Variants in VPS26A observed in about 807,000 individuals in gnomAD.
VPS26A encodes the protein VPS26 retromer complex component A.
A neutral mutation model predicts 42.4 loss-of-function variants in VPS26A; 22 were observed. The observed-to-expected ratio is 0.52, with a 90% CI of 0.37 to 0.74. VPS26A has a LOEUF of 0.74. Ranked by LOEUF, VPS26A falls within the 30% of genes least tolerant of loss-of-function variation. The probability of loss-of-function intolerance (pLI) is 0.00; values close to 1 mark genes in which losing one functional copy is unlikely to be tolerated. For synonymous variants in VPS26A, 110 were observed against 123.5 expected (o/e 0.89, Z 0.73); for missense variants, 276 against 379.2 (o/e 0.73, Z 2.26).
At chr10:69,127,138 G>A (rs1422699610) in intron 1 of VPS26A, among the ~76,000 whole-genome samples, 1 of 137,898 alleles carries the variant, frequency 7.3e-6, no homozygotes, top group Non-Finnish European at 1.5e-5. Flanking sequence ...TGGAGACGGG[G>A]TTTCGCCATG....
At chr10:69,140,588 T>C (rs1257410837) in intron 2 of VPS26A, among the ~76,000 whole-genome samples, 1 of 152,140 alleles carries the variant, frequency 6.6e-6, no homozygotes, top group African/African-American at 2.4e-5. Flanking sequence ...TTTCACCGTG[T>C]TGCCCAGGCT....
intron 2 of VPS26A, among the ~76,000 whole-genome samples, chr10:69,138,247 C>T (rs1369476094): frequency 6.6e-6 from 1 of 152,102 alleles, no homozygotes; most frequent in African/African-American, 2.4e-5. Flanking sequence ...GGCTATACCA[C>T]ATTCTTGTTT....
At chr10:69,133,089 C>G in intron 2 of VPS26A, 42 bp downstream of exon 2, 1 of 1,576,292 alleles carries the variant, frequency 6.3e-7, no homozygotes, top group African/African-American at 1.4e-5. Context: ...TGTAAGATAT[C>G]AGAATTAGTT....
At chr10:69,141,648 TAATC>T (rs1841042810) in intron 2 of VPS26A, among the ~76,000 whole-genome samples, 1 of 152,210 alleles carries the variant, frequency 6.6e-6, no homozygotes, top group Non-Finnish European at 1.5e-5. Flanking sequence ...TATCCTAAAA[TAATC>T]AACTTTGTTC....
At position 69,162,869 on chromosome 10, in the gene VPS26A, A is replaced by G. The variant is rs1589363466; in HGVS notation, c.658+357A>G. Among the ~76,000 whole-genome samples the G allele has an allele frequency of 2.0e-5, 3 of 152,326 alleles. No individual in the cohort carries two copies. In the East Asian group the frequency reaches 5.8e-4, roughly 29 times the overall value. On this transcript the variant is annotated intron_variant, in intron 6 of 8. Coordinates refer to ENST00000263559, the MANE Select transcript of VPS26A (RefSeq NM_004896.5). ...GCAGGTCAAAACTCCTGTGCTGATC[A>G]GTAGTGGGATTGTGCCTGTGAATAG...
intron 1 of VPS26A, among the ~76,000 whole-genome samples, chr10:69,129,961 A>G (rs777635041): frequency 2.6e-5 from 4 of 152,200 alleles, no homozygotes; most frequent in Non-Finnish European, 5.9e-5. Flanking sequence ...CTTGTGCCCT[A>G]CATAGCCACA....
At chr10:69,169,069 C>CA (rs945823721) in intron 8 of VPS26A, among the ~76,000 whole-genome samples, 26 of 145,368 alleles carry the variant, frequency 1.8e-4, no homozygotes, top group African/African-American at 6.4e-4. Flanking sequence ...TTTGTAGAGA[C>CA]AGAGTCTCAC....
intron 2 of VPS26A, among the ~76,000 whole-genome samples, chr10:69,143,510 C>T (rs1841088501): frequency 6.6e-6 from 1 of 152,094 alleles, no homozygotes. Context: ...TTCTGCTGTT[C>T]TGTTAACAGT....
chr10:69,149,753 T>TGAGATGGAG (rs1841255770), intron 2 of VPS26A, among the ~76,000 whole-genome samples: 1 of 99,730 alleles, frequency 1.0e-5, no homozygotes, highest in Non-Finnish European at 2.3e-5. Flanking sequence ...TTTTTTTTTT[T>TGAGATGGAG]TTTTTTTTTT....
chr10:69,136,256 TTTC>T (rs1186531976), intron 2 of VPS26A, among the ~76,000 whole-genome samples: 2 of 146,340 alleles, frequency 1.4e-5, no homozygotes, highest in Non-Finnish European at 2.9e-5. Context: ...CTCTGTCATT[TTTC>T]TTTTCTTTTC....
At chr10:69,168,712 A>C in intron 8 of VPS26A, 81 bp downstream of exon 8, 2 of 1,517,614 alleles carry the variant, frequency 1.3e-6, no homozygotes, top group Non-Finnish European at 1.8e-6. Flanking sequence ...GCTTCACTGT[A>C]CTGAGCGAGT....
rs75102017 is a variant in VPS26A, at chr10:69,166,680, G to C, written c.727+570G>C. ...AATCTTAGGTGCTCTAAAACTCTTT[G>C]AGCTAGGTGGTTGTGTCCCTTATGA... is the stretch of plus-strand genomic sequence containing the variant. On this transcript the variant is annotated intron_variant, in intron 7 of 8. Transcript: ENST00000263559. Among the ~76,000 whole-genome samples, 1,102 of 152,308 alleles carry C rather than the reference G, an allele frequency of 7.2e-3. 7 individuals carry two copies. Among genetic ancestry groups the C allele is most frequent in the Non-Finnish European group, 0.012 (807 of 68,020 alleles).
intron 2 of VPS26A, among the ~76,000 whole-genome samples, chr10:69,151,276 A>AAAAAAAAAAAAAAAAAAAAAAAC (rs1554854511): frequency 3.3e-4 from 23 of 69,118 alleles, no homozygotes; most frequent in African/African-American, 9.1e-4. Flanking sequence ...AAAAAAAAAA[A>AAAAAAAAAAAAAAAAAAAAAAAC]AAAAAAACAC....
chr10:69,157,228 T>C (rs1841451106), intron 4 of VPS26A, 65 bp downstream of exon 4: 9 of 1,493,844 alleles, frequency 6.0e-6, no homozygotes, highest in South Asian at 1.4e-5. Context: ...ACTGTTGATA[T>C]CTTATTTGAA....
chr10:69,136,782 GTTATTTAT>G (rs373863330), intron 2 of VPS26A, among the ~76,000 whole-genome samples: 2 of 151,234 alleles, frequency 1.3e-5, no homozygotes, highest in South Asian at 2.1e-4. Flanking sequence ...GGCCTGTTTT[GTTATTTAT>G]TTATTTATTT....
At chr10:69,146,662 T>C (rs1841167680) in intron 2 of VPS26A, among the ~76,000 whole-genome samples, 1 of 152,328 alleles carries the variant, frequency 6.6e-6, no homozygotes, top group East Asian at 1.9e-4. Flanking sequence ...AGTGGTCATA[T>C]AATATTTGTC....
At chr10:69,126,170 A>G (rs1056873252) in intron 1 of VPS26A, among the ~76,000 whole-genome samples, 2 of 152,186 alleles carry the variant, frequency 1.3e-5, no homozygotes, top group Non-Finnish European at 2.9e-5. Context: ...TTTTGCACTT[A>G]AAAGATCTCA....
At chr10:69,136,133 C>G (rs1369218274) in intron 2 of VPS26A, among the ~76,000 whole-genome samples, 1 of 152,266 alleles carries the variant, frequency 6.6e-6, no homozygotes, top group Admixed American at 6.5e-5. Flanking sequence ...TATTGCCTAT[C>G]AGTTGGCAGC....
intron 7 of VPS26A, among the ~76,000 whole-genome samples, chr10:69,167,597 G>T (rs2132240064): frequency 6.6e-6 from 1 of 151,860 alleles, no homozygotes; most frequent in Middle Eastern, 3.4e-3. Context: ...AAAAAAATTT[G>T]CAGGGCATGG....
Sources: allele counts gnomAD v4.1 joint callset (sites outside exome capture counted in the v4.1 genomes callset), GRCh38; gene constraint gnomAD v4.1.1; transcripts MANE v1.5; gene names NCBI Gene and HGNC (gene_info 2026-07-23, HGNC 2026-07-21).